Variants in SLIT1 observed in about 807,000 individuals in gnomAD.
SLIT1 encodes the protein slit guidance ligand 1.
In SLIT1, 66 loss-of-function variants were observed where a neutral mutation model predicts 186.1. The ratio of observed to expected loss-of-function variants is 0.35; its 90% CI spans 0.29 to 0.44. The LOEUF (loss-of-function observed/expected upper bound fraction) is 0.44, where lower values mean the gene tolerates loss of function less well. SLIT1 is among the 20% of genes least tolerant of loss of function. The pLI is 1.00. For missense variants in SLIT1, 1,638 were observed against 2,037.4 expected (o/e 0.80, Z 3.77); for synonymous variants, 761 against 833.8 (o/e 0.91, Z 1.50).
chr10:97,141,662 GCA>G, intron 4 of SLIT1, among the ~76,000 whole-genome samples: 1 of 133,890 alleles, frequency 7.5e-6, no homozygotes, highest in East Asian at 2.2e-4. Context: ...GTATTGTATT[GCA>G]TTGCATTGTA....
chr10:97,108,489 T>C (rs1486732447), intron 4 of SLIT1, among the ~76,000 whole-genome samples: 1 of 152,186 alleles, frequency 6.6e-6, no homozygotes, highest in East Asian at 1.9e-4. Flanking sequence ...TCCGTGTGTC[T>C]GCAGTGCCCC....
At chr10:97,132,472 G>C (rs947549815) in intron 4 of SLIT1, among the ~76,000 whole-genome samples, 1 of 152,162 alleles carries the variant, frequency 6.6e-6, no homozygotes, top group African/African-American at 2.4e-5. Context: ...ACAGGTGCCT[G>C]TCCACAGTCC....
intron 32 of SLIT1, among the ~76,000 whole-genome samples, chr10:97,005,024 A>G (rs1848348272): frequency 6.6e-6 from 1 of 152,076 alleles, no homozygotes; most frequent in Admixed American, 6.5e-5. Flanking sequence ...AGCCCCATCC[A>G]CTGCCAGCCT....
intron 28 of SLIT1, among the ~76,000 whole-genome samples, chr10:97,016,079 T>A (rs1421416582): frequency 6.6e-6 from 1 of 152,070 alleles, no homozygotes; most frequent in African/African-American, 2.4e-5. Flanking sequence ...GAGGCCAAGG[T>A]GGGTGGATCC....
At chr10:97,011,513 C>G (rs939808580) in intron 30 of SLIT1, among the ~76,000 whole-genome samples, 2 of 152,134 alleles carry the variant, frequency 1.3e-5, no homozygotes, top group Non-Finnish European at 2.9e-5. Context: ...TCCCTGTTCT[C>G]CCAGGACCCA....
In SLIT1 at chr10:97,133,774, A is replaced by G. The variant is rs115246127; in HGVS notation, c.413+24044T>C. On this transcript the variant is annotated intron_variant, in intron 4 of 36. Coordinates refer to ENST00000266058, the MANE Select transcript of SLIT1 (RefSeq NM_003061.3). ...TCTCCTTCTATTTGCTTGGAATCAC[A>G]TTCATGAGAAGCTGTGCTGAAGGGT... is the stretch of plus-strand genomic sequence containing the variant. Among the ~76,000 whole-genome samples the G allele has an allele frequency of 3.5e-3, 534 of 152,266 alleles. 4 individuals are homozygous for G. Among genetic ancestry groups the G allele is most frequent in the African/African-American group, 0.012 (509 of 41,550 alleles).
intron 4 of SLIT1, among the ~76,000 whole-genome samples, chr10:97,082,580 G>A (rs372281277): frequency 9.9e-5 from 15 of 151,992 alleles, no homozygotes; most frequent in African/African-American, 2.2e-4. Context: ...GACTACAGGC[G>A]CCCGCCACCA....
At position 97,004,185 on chromosome 10, in the gene SLIT1, C is replaced by T; in HGVS notation, c.3748G>A (p.Glu1250Lys). The T allele has an allele frequency of 6.2e-7, 1 of 1,613,490 alleles. No homozygotes were observed. The highest frequency in any genetic ancestry group is 1.1e-5 in the South Asian group (1 of 91,058). The part of the protein sequence containing the change: ...TINDGQFHTV[E>K]LVAFDQMVNL... ...ACCATCTGGTCAAAGGCAACCAGCT[C>T]AACGGTGTGGAATTGCCCATCGTTG... is the stretch of plus-strand genomic sequence containing the variant. Residue 1250 changes from glutamate (E) to lysine (K), a missense_variant, in exon 34 of 37, where the codon GAG becomes AAG. Coordinates refer to ENST00000266058, the MANE Select transcript of SLIT1 (RefSeq NM_003061.3). This position sits in a 1 kb window ranked among gnomAD's most constrained non-coding sequence, Gnocchi z 5.1.
At chr10:97,104,107 G>A (rs1007041274) in intron 4 of SLIT1, among the ~76,000 whole-genome samples, 4 of 151,966 alleles carry the variant, frequency 2.6e-5, no homozygotes, top group African/African-American at 9.7e-5. Flanking sequence ...AGCAGGTGAG[G>A]GGTAAAAGCA....
chr10:97,162,863 A>T (rs928268180), intron 3 of SLIT1, among the ~76,000 whole-genome samples: 1 of 151,646 alleles, frequency 6.6e-6, no homozygotes, highest in Non-Finnish European at 1.5e-5. Context: ...TGAAATGTAA[A>T]AATTGATCAA....
chr10:97,151,181 T>C (rs1033145539), intron 4 of SLIT1, among the ~76,000 whole-genome samples: 1 of 152,126 alleles, frequency 6.6e-6, no homozygotes, highest in Non-Finnish European at 1.5e-5. Flanking sequence ...GGGTTCACAG[T>C]ACCTAACACA....
At chr10:97,159,091 A>T (rs1248353822) in intron 3 of SLIT1, among the ~76,000 whole-genome samples, 1 of 152,218 alleles carries the variant, frequency 6.6e-6, no homozygotes, top group African/African-American at 2.4e-5. Flanking sequence ...GAGGGGTCTT[A>T]GAACAAATCC....
At chr10:97,058,567 G>A (rs1389055040) in intron 11 of SLIT1, among the ~76,000 whole-genome samples, 1 of 152,114 alleles carries the variant, frequency 6.6e-6, no homozygotes, top group South Asian at 2.1e-4. Flanking sequence ...CAACTTCAGG[G>A]GTGCCATTCA....
chr10:97,002,213 G>A lies in SLIT1; in HGVS notation c.4311C>T (p.Thr1437=). ...CLHGHCQASG[T]KGAHCVCDPG... Reference sequence around the variant, plus strand: ...GGTCACACACACAGTGTGCCCCCTTGGTGCCTGAGGCCTGGCAGTGGCCAT... The same window carrying A: ...GGTCACACACACAGTGTGCCCCCTTAGTGCCTGAGGCCTGGCAGTGGCCAT... Residue 1437 remains threonine, a synonymous_variant, in exon 36 of 37, where the codon ACC becomes ACT. Transcript: ENST00000266058. 1 of 1,581,928 alleles carries A rather than the reference G, an allele frequency of 6.3e-7. No homozygotes were observed. The highest frequency in any genetic ancestry group is 8.6e-7 in the Non-Finnish European group (1 of 1,161,564).
At position 97,054,089 on chromosome 10, in the gene SLIT1, C is replaced by T. The variant is rs1412818467; in HGVS notation, c.1301+2232G>A. Among the ~76,000 whole-genome samples, 5 of 151,876 alleles carry T rather than the reference C, an allele frequency of 3.3e-5. No individual in the cohort carries two copies. In the East Asian group the frequency reaches 7.9e-4, roughly 24 times the overall value. On this transcript the variant is annotated intron_variant, in intron 13 of 36. Coordinates refer to ENST00000266058, the MANE Select transcript of SLIT1 (RefSeq NM_003061.3). ...GCTGGACGAGTATGGCACCAACAAC[C>T]GCTCGGCTTCTGGTGAGCCTCAGGA...
chr10:97,048,852 T>TAGGTGGGC (rs1848760372), intron 14 of SLIT1, 103 bp downstream of exon 14: 1 of 1,044,110 alleles, frequency 9.6e-7, no homozygotes, highest in Non-Finnish European at 1.4e-6. Flanking sequence ...AGCAGGCGGG[T>TAGGTGGGC]AGGTGGGCAG....
At chr10:97,016,644 G>A (rs1848457223) in intron 28 of SLIT1, among the ~76,000 whole-genome samples, 1 of 152,086 alleles carries the variant, frequency 6.6e-6, no homozygotes, top group Non-Finnish European at 1.5e-5. Context: ...CTTGTCTTAA[G>A]GCCCTTCCAC....
rs1326853949 is a variant in SLIT1, at chr10:97,002,297, C to T, written c.4227G>A (p.Gly1409=). The T allele has an allele frequency of 9.9e-6, 16 of 1,610,990 alleles. No individual in the cohort carries two copies. The Admixed American group carries it at 2.5e-4, about 25-fold the overall frequency. Residue 1409 remains glycine, a synonymous_variant, in exon 36 of 37, where the codon GGG becomes GGA. Coordinates refer to ENST00000266058, the MANE Select transcript of SLIT1 (RefSeq NM_003061.3). ...YSCQCQDGYS[G]ALCNQAGALA... ...GGGCCCCGGCCTGGTTGCACAGTGC[C>T]CCCGAGTACCCATCCTGGCACTGGC...
intron 4 of SLIT1, among the ~76,000 whole-genome samples, chr10:97,077,931 C>T (rs890024367): frequency 6.6e-6 from 1 of 151,990 alleles, no homozygotes; most frequent in Non-Finnish European, 1.5e-5. Context: ...CATAGCAAGA[C>T]CTGGTCTCCA....
Sources: allele counts gnomAD v4.1 joint callset (sites outside exome capture counted in the v4.1 genomes callset), GRCh38; gene constraint gnomAD v4.1.1; non-coding constraint Gnocchi (gnomAD v3.1); transcripts MANE v1.5; gene names NCBI Gene and HGNC (gene_info 2026-07-23, HGNC 2026-07-21).